Variants in PEX14 observed in about 807,000 individuals in gnomAD.
The protein encoded by PEX14 is peroxisomal biogenesis factor 14.
In PEX14, 15 loss-of-function variants were observed where a neutral mutation model predicts 49.5. That is an observed-to-expected ratio of 0.30 (90% CI 0.20 to 0.47). The LOEUF (loss-of-function observed/expected upper bound fraction) is 0.47. Among genes scored for constraint, PEX14 ranks in the 20% least tolerant of loss-of-function variants. The pLI, the probability that PEX14 is intolerant of heterozygous loss-of-function variation, is 1.00. For synonymous variants in PEX14, 210 were observed against 212.7 expected (o/e 0.99, Z 0.11); for missense variants, 398 against 494.8 (o/e 0.80, Z 1.86).
chr1:10,568,734 T>TTTGTA (rs969515110), intron 3 of PEX14, among the ~76,000 whole-genome samples: 1 of 152,008 alleles, frequency 6.6e-6, no homozygotes, highest in Non-Finnish European at 1.5e-5. Context: ...TAGAGTGTTT[T>TTTGTA]TTGTTTTGTT....
intron 4 of PEX14, among the ~76,000 whole-genome samples, chr1:10,607,376 A>G (rs1641157539): frequency 6.6e-6 from 1 of 152,054 alleles, no homozygotes; most frequent in African/African-American, 2.4e-5. Context: ...AAGTCTTTGT[A>G]TGTTTTTATT....
chr1:10,526,155 C>T (rs1418074920), intron 2 of PEX14, among the ~76,000 whole-genome samples: 1 of 140,990 alleles, frequency 7.1e-6, no homozygotes, highest in Admixed American at 7.1e-5. Flanking sequence ...CTCCTGACCT[C>T]GTGATCCGCC....
intron 3 of PEX14, among the ~76,000 whole-genome samples, chr1:10,585,900 CAAAT>C (rs1354506365): frequency 1.3e-5 from 2 of 151,876 alleles, no homozygotes; most frequent in East Asian, 1.9e-4. Context: ...CGTCTCAAAA[CAAAT>C]AAAAAAAAGT....
intron 2 of PEX14, among the ~76,000 whole-genome samples, chr1:10,498,860 G>A (rs910262107): frequency 2.0e-5 from 3 of 152,144 alleles, no homozygotes; most frequent in African/African-American, 4.8e-5. Context: ...CAAGGAGTTC[G>A]GACAGGCCTC....
At chr1:10,500,114 TAAG>T (rs1641644927) in intron 2 of PEX14, among the ~76,000 whole-genome samples, 1 of 151,132 alleles carries the variant, frequency 6.6e-6, no homozygotes, top group Non-Finnish European at 1.5e-5. Flanking sequence ...GTGATCTCTG[TAAG>T]AATAGGCAAG....
chr1:10,604,388 A>T lies in PEX14; in HGVS notation c.298+5022A>T, dbSNP rs561177104. Among the ~76,000 whole-genome samples, 11 of 152,292 alleles carry T rather than the reference A, an allele frequency of 7.2e-5. No individual in the cohort carries two copies. In the South Asian group the frequency reaches 2.3e-3, roughly 32 times the overall value. Reference sequence around the variant, plus strand: ...TCCCAACTCTTTGAGAGGCTGAGACAGGAGGAGCACTTTGAAGCTAGGAGT... The same window carrying T: ...TCCCAACTCTTTGAGAGGCTGAGACTGGAGGAGCACTTTGAAGCTAGGAGT... On this transcript the variant is annotated intron_variant, in intron 4 of 8. Transcript: ENST00000356607.
chr1:10,487,083 C>T (rs1641382585), intron 1 of PEX14, among the ~76,000 whole-genome samples: 1 of 151,582 alleles, frequency 6.6e-6, no homozygotes, highest in East Asian at 1.9e-4. Context: ...TGCTTCCTTT[C>T]TTTTATTAAT....
chr1:10,557,546 A>G (rs530764476), intron 3 of PEX14, among the ~76,000 whole-genome samples: 5 of 152,370 alleles, frequency 3.3e-5, no homozygotes, highest in Admixed American at 6.5e-5. Context: ...AGATCGTGCC[A>G]CTGCACTTCA....
At chr1:10,493,697 G>A (rs1225702649) in intron 1 of PEX14, among the ~76,000 whole-genome samples, 7 of 152,254 alleles carry the variant, frequency 4.6e-5, no homozygotes, top group African/African-American at 1.7e-4. Context: ...CAAAGTGCTG[G>A]CATTTACACC....
At position 10,495,523 on chromosome 1, in the gene PEX14, C is replaced by T. The variant is rs1296893309; in HGVS notation, c.84+202C>T. Among the ~76,000 whole-genome samples the T allele has an allele frequency of 6.6e-6, 1 of 152,074 alleles. No homozygotes were observed. The highest frequency in any genetic ancestry group is 1.5e-5 in the Non-Finnish European group (1 of 68,022). On this transcript the variant is annotated intron_variant, in intron 2 of 8. Transcript: ENST00000356607. This position sits in a 1 kb window ranked among gnomAD's most constrained non-coding sequence, Gnocchi z 4.2. ...AGATCTCTCCTTAGTAAAGGCTGGT[C>T]CTTTCTAGGACTAAAAGCATCCACC...
In PEX14 at chr1:10,503,453, C is replaced by T. The variant is rs1482288401; in HGVS notation, c.84+8132C>T. On this transcript the variant is annotated intron_variant, in intron 2 of 8. Coordinates refer to ENST00000356607, the MANE Select transcript of PEX14 (RefSeq NM_004565.3). ...GTTTGCTAATCTTAGAGCTCCTTTA[C>T]ATGCCCTACCATTGCTGAAGACGTG... Among the ~76,000 whole-genome samples, 5 of 150,842 alleles carry T rather than the reference C, an allele frequency of 3.3e-5. No individual in the cohort carries two copies. In the East Asian group the frequency reaches 1.0e-3, roughly 30 times the overall value.
intron 4 of PEX14, 138 bp downstream of exon 4, chr1:10,599,504 G>A: frequency 1.0e-6 from 1 of 975,250 alleles, no homozygotes; most frequent in South Asian, 1.3e-5. Context: ...TTTTTCCCAA[G>A]GAATGTGACA....
intron 3 of PEX14, among the ~76,000 whole-genome samples, chr1:10,580,019 G>A (rs547239706): frequency 9.2e-5 from 14 of 151,872 alleles, no homozygotes; most frequent in African/African-American, 3.1e-4. Flanking sequence ...GGGTCTTCAG[G>A]AAGGGATAAA....
chr1:10,614,093 A>G (rs1361159622), intron 4 of PEX14, among the ~76,000 whole-genome samples: 1 of 152,122 alleles, frequency 6.6e-6, no homozygotes, highest in Non-Finnish European at 1.5e-5. Flanking sequence ...GCAGGACTTG[A>G]GGTGGTCGTG....
intron 4 of PEX14, among the ~76,000 whole-genome samples, chr1:10,617,620 C>T (rs972246999): frequency 6.6e-6 from 1 of 152,120 alleles, no homozygotes; most frequent in South Asian, 2.1e-4. Flanking sequence ...ACCCACCTAC[C>T]GTCTCTCTTT....
chr1:10,484,465 G>A (rs1286209264), intron 1 of PEX14, among the ~76,000 whole-genome samples: 1 of 151,700 alleles, frequency 6.6e-6, no homozygotes, highest in Non-Finnish European at 1.5e-5. Context: ...GAGCCACTGC[G>A]CCTGACCATG....
intron 3 of PEX14, among the ~76,000 whole-genome samples, chr1:10,568,647 A>G (rs1346006802): frequency 6.6e-6 from 1 of 152,156 alleles, no homozygotes; most frequent in Non-Finnish European, 1.5e-5. Context: ...AAGCCCTCAG[A>G]GATGATGAAT....
intron 3 of PEX14, among the ~76,000 whole-genome samples, chr1:10,584,551 G>A (rs182233452): frequency 6.6e-6 from 1 of 152,310 alleles, no homozygotes; most frequent in Admixed American, 6.5e-5. Context: ...TTCAGGGAAA[G>A]TAATCATATA....
intron 3 of PEX14, among the ~76,000 whole-genome samples, chr1:10,570,289 A>G (rs1297355753): frequency 6.6e-6 from 1 of 151,670 alleles, no homozygotes; most frequent in Middle Eastern, 3.2e-3. Context: ...TCTGATAATT[A>G]ATTTCTGTTT....
Sources: gnomAD v4.1 joint callset for allele counts (sites outside exome capture counted in the v4.1 genomes callset) on GRCh38, gnomAD v4.1.1 for gene constraint, Gnocchi (gnomAD v3.1) non-coding constraint, MANE v1.5 for transcripts, NCBI Gene and HGNC (gene_info 2026-07-23, HGNC 2026-07-21) for gene names.